The following DPYD variants were observed in gnomAD, a reference collection of about 807,000 sequenced individuals.
DPYD encodes dihydropyrimidine dehydrogenase.
A neutral mutation model predicts 116.2 loss-of-function variants in DPYD; 109 were observed. The ratio of observed to expected loss-of-function variants is 0.94; its 90% CI spans 0.80 to 1.10. DPYD has a LOEUF of 1.10. Among genes scored for constraint, DPYD ranks in the 50% least tolerant of loss-of-function variants. The probability of loss-of-function intolerance (pLI) is 0.00; values close to 1 mark genes in which losing one functional copy is unlikely to be tolerated. For missense variants in DPYD, 1,302 were observed against 1,254.5 expected (o/e 1.04, Z -0.57); for synonymous variants, 440 against 432.0 (o/e 1.02, Z -0.23).
rs904436986 is a variant in DPYD at position 97,492,762 on chromosome 1, C to CA, written c.1740+22963dup. 2.4e-3 allele frequency among the ~76,000 whole-genome samples: 371 copies of CA among 151,932 alleles called. 1 individual carries two copies. Among genetic ancestry groups the CA allele is most frequent in the African/African-American group, 8.7e-3 (361 of 41,462 alleles). ...CAATCATCCAGAGTCTAAAGAAATT[C>CA]AAAAAAATGGAAACTCTTTGAAATA... On this transcript the variant is annotated intron_variant, in intron 13 of 22. Coordinates refer to ENST00000370192, the MANE Select transcript of DPYD (RefSeq NM_000110.4).
intron 4 of DPYD, among the ~76,000 whole-genome samples, chr1:97,724,301 GGGGGGGGTGTGTGTGTGTGTGT>G (rs1410821316): frequency 1.9e-4 from 3 of 15,512 alleles, no homozygotes; most frequent in East Asian, 2.5e-3. Flanking sequence ...TGTGGGGGGG[GGGGGGGGTGTGTGTGTGTGTGT>G]GTGTGTGTGT....
rs186688301 is a variant in DPYD, at chr1:97,868,851, C to G, written c.150+14413G>C. On this transcript the variant is annotated intron_variant, in intron 2 of 22. Transcript: ENST00000370192. ...GGTCATTAAAACTTGACATATACCA[C>G]TGTGCTCCTTAGGATTTTTTGGTTG... 5.9e-5 allele frequency among the ~76,000 whole-genome samples: 9 copies of G among 151,938 alleles called. No homozygotes were observed. In the East Asian group the frequency reaches 1.8e-3, roughly 30 times the overall value.
At position 97,394,802 on chromosome 1, in the gene DPYD, G is replaced by T. The variant is rs530195839; in HGVS notation, c.1906-12341C>A. On this transcript the variant is annotated intron_variant, in intron 14 of 22. Transcript: ENST00000370192. ...AGGTAGAGTACTCCAGGTAGAGTGA[G>T]CAGCAAGATCAAAAGCAAAGGATGG... Among the ~76,000 whole-genome samples, 27 of 152,130 alleles carry T rather than the reference G, an allele frequency of 1.8e-4. No individual in the cohort carries two copies. The South Asian group carries it at 5.6e-3, about 32-fold the overall frequency.
chr1:97,751,810 T>G lies in DPYD; in HGVS notation c.234-11331A>C, dbSNP rs551323800. Among the ~76,000 whole-genome samples the G allele has an allele frequency of 6.0e-5, 9 of 151,132 alleles. No homozygotes were observed. The South Asian group carries it at 1.7e-3, about 28-fold the overall frequency. ...GAGATGGAGTTTCTGTCGCCCTGAC[T>G]GGAGTGCAGTGGTGCCATCTCAGCT... On this transcript the variant is annotated intron_variant, in intron 3 of 22. Coordinates refer to ENST00000370192, the MANE Select transcript of DPYD (RefSeq NM_000110.4).
intron 15 of DPYD, among the ~76,000 whole-genome samples, chr1:97,380,638 C>T (rs187259484): frequency 1.3e-4 from 20 of 152,338 alleles, no homozygotes; most frequent in African/African-American, 3.8e-4. Context: ...CATCACATCA[C>T]AGCATTAGCT....
chr1:97,659,511 G>T (rs76431122), intron 8 of DPYD, among the ~76,000 whole-genome samples: 2,521 of 152,140 alleles, frequency 0.017, 33 homozygotes, highest in South Asian at 0.03. Flanking sequence ...TCCATAATGG[G>T]GAGTATTTTC....
intron 7 of DPYD, among the ~76,000 whole-genome samples, chr1:97,681,461 G>T (rs1385907546): frequency 6.6e-6 from 1 of 152,004 alleles, no homozygotes; most frequent in East Asian, 1.9e-4. Context: ...TTTTTATATT[G>T]GCAGATATGG....
chr1:97,454,673 T>A (rs1380532643), intron 13 of DPYD, among the ~76,000 whole-genome samples: 2 of 151,760 alleles, frequency 1.3e-5, no homozygotes, highest in Non-Finnish European at 2.9e-5. Context: ...ATGATAATGA[T>A]TTTTTCTCTA....
chr1:97,546,907 G>A, intron 12 of DPYD: 6 of 1,609,132 alleles, frequency 3.7e-6, no homozygotes, highest in South Asian at 1.1e-5. Flanking sequence ...GGAGGACAGT[G>A]AGGGCTTTGA....
Position 97,682,854 on chromosome 1 carries a change from C to T in DPYD, c.763-3672G>A, listed in dbSNP as rs549699867. On this transcript the variant is annotated intron_variant, in intron 7 of 22. Coordinates refer to ENST00000370192, the MANE Select transcript of DPYD (RefSeq NM_000110.4). ...TTATTAGATATTTCCTACCTAAATT[C>T]GGAATACAAATTCAATCTATTTCAA... Among the ~76,000 whole-genome samples the T allele has an allele frequency of 1.4e-4, 22 of 152,096 alleles. No homozygotes were observed. The South Asian group carries it at 4.1e-3, about 29-fold the overall frequency.
At chr1:97,467,388 C>T (rs957454612) in intron 13 of DPYD, among the ~76,000 whole-genome samples, 2 of 152,220 alleles carry the variant, frequency 1.3e-5, no homozygotes, top group African/African-American at 4.8e-5. Context: ...CTGAATCTAC[C>T]TATGAACTGT....
chr1:97,326,306 T>C (rs1478938246), intron 16 of DPYD, among the ~76,000 whole-genome samples: 1 of 151,934 alleles, frequency 6.6e-6, no homozygotes, highest in Non-Finnish European at 1.5e-5. Flanking sequence ...TTCAGATACA[T>C]TGAGTTTGAG....
chr1:97,114,130 A>C (rs1192167192), intron 20 of DPYD, among the ~76,000 whole-genome samples: 1 of 152,166 alleles, frequency 6.6e-6, no homozygotes, highest in African/African-American at 2.4e-5. Flanking sequence ...AGAAAAGCAA[A>C]GAATAAACCT....
intron 8 of DPYD, among the ~76,000 whole-genome samples, chr1:97,653,441 A>C (rs2100847582): frequency 6.6e-6 from 1 of 151,596 alleles, no homozygotes; most frequent in South Asian, 2.1e-4. Context: ...AGTAGCTGGG[A>C]TTACAGGCAC....
chr1:97,720,135 GTC>G (rs1171122915), intron 5 of DPYD: 9 of 978,170 alleles, frequency 9.2e-6, no homozygotes, highest in South Asian at 4.8e-5. Flanking sequence ...GTATTTCCCT[GTC>G]TCTCTCTCTC....
At chr1:97,463,861 A>G (rs943303950) in intron 13 of DPYD, among the ~76,000 whole-genome samples, 20 of 152,298 alleles carry the variant, frequency 1.3e-4, no homozygotes, top group African/African-American at 4.8e-4. Flanking sequence ...AGAAAGTTCT[A>G]AGCAGCAAAG....
intron 20 of DPYD, among the ~76,000 whole-genome samples, chr1:97,119,231 T>A (rs1652230228): frequency 6.6e-6 from 1 of 152,198 alleles, no homozygotes; most frequent in South Asian, 2.1e-4. Flanking sequence ...CCATCTACAA[T>A]GGGTCTCAGC....
chr1:97,079,101 T>A lies in DPYD; in HGVS notation c.2953A>T (p.Thr985Ser), dbSNP rs1361365685. 1.2e-6 allele frequency: 2 copies of A among 1,613,528 alleles called. No individual in the cohort carries two copies. The highest frequency in any genetic ancestry group is 1.7e-6 in the Non-Finnish European group (2 of 1,179,714). ...PETHLPTITDTCTGCTLCLSV... is the reference protein window; with the variant it reads ...PETHLPTITDSCTGCTLCLSV... ...AGACACAGAGTACAGCCTGTACAAG[T>A]GTCGGTTATGGTGGGCAGGTGGGTT... is the stretch of plus-strand genomic sequence containing the variant. Residue 985 changes from threonine to serine, a missense_variant, in exon 23 of 23, where the codon ACT (threonine) becomes TCT (serine). Physicochemically the swap from Thr to Ser is moderately conservative, Grantham distance 58. Transcript: ENST00000370192.
At chr1:97,571,008 T>C (rs1652854154) in intron 11 of DPYD, among the ~76,000 whole-genome samples, 1 of 151,956 alleles carries the variant, frequency 6.6e-6, no homozygotes, top group Admixed American at 6.6e-5. Context: ...AAAAAGGAAA[T>C]AGTGCCTACT....
Sources: gnomAD v4.1 joint callset for allele counts (sites outside exome capture counted in the v4.1 genomes callset) on GRCh38, gnomAD v4.1.1 for gene constraint, MANE v1.5 for transcripts, NCBI Gene and HGNC (gene_info 2026-07-23, HGNC 2026-07-21) for gene names.